Variants in SHF observed in about 807,000 individuals in gnomAD.
The protein encoded by SHF is SH2 domain-containing adapter protein F.
SHF carries 30 observed loss-of-function variants against 42.4 expected under a neutral mutation model. The observed-to-expected ratio is 0.71, with a 90% CI of 0.53 to 0.96. The LOEUF (loss-of-function observed/expected upper bound fraction) is 0.96, where lower values mean the gene tolerates loss of function less well. Among genes scored for constraint, SHF ranks in the 40% least tolerant of loss-of-function variants. SHF has a pLI of 0.00. For missense variants in SHF, 598 were observed against 634.0 expected, an observed-to-expected ratio of 0.94 and a Z score of 0.61; for synonymous variants, 264 against 269.9, an observed-to-expected ratio of 0.98 and a Z score of 0.21.
chr15:45,194,101 CAAAAAAAAAAA>C (rs56176160), intron 2 of SHF, among the ~76,000 whole-genome samples: 1 of 75,590 alleles, frequency 1.3e-5, no homozygotes, highest in African/African-American at 5.2e-5. Flanking sequence ...GAGTTTGTCT[CAAAAAAAAAAA>C]AAAAAAAAAA....
chr15:45,197,966 T>C (rs2141456274), intron 2 of SHF, among the ~76,000 whole-genome samples: 1 of 152,112 alleles, frequency 6.6e-6, no homozygotes, highest in Middle Eastern at 3.4e-3. Flanking sequence ...AAAGATATAG[T>C]GGAAACTGAA....
At chr15:45,186,266 C>A (rs1475985782) in intron 1 of SHF, among the ~76,000 whole-genome samples, 1 of 152,256 alleles carries the variant, frequency 6.6e-6, no homozygotes, top group African/African-American at 2.4e-5. Context: ...AAATAATTTG[C>A]ATTCCTGAGG....
In SHF at chr15:45,167,764, C is replaced by T. The variant is rs958427671; in HGVS notation, c.*183G>A. On this transcript the variant is annotated 3_prime_UTR_variant, in exon 7 of 7. Coordinates refer to ENST00000690270, the MANE Select transcript of SHF (RefSeq NM_001394037.1). Reference sequence around the variant, plus strand: ...TTCCTCTTTCCCCAGCTCCAGACAACCCCTTACTCCAAGGCCCCAGGAGCC... The same window carrying T: ...TTCCTCTTTCCCCAGCTCCAGACAATCCCTTACTCCAAGGCCCCAGGAGCC... 1.2e-5 allele frequency: 6 copies of T among 480,612 alleles called. No individual in the cohort carries two copies. The highest frequency in any genetic ancestry group is 4.0e-5 in the African/African-American group (2 of 50,296). The allele number at this position is 480,612 out of a possible 1,614,324, so 29.8% of individuals were successfully genotyped here. A position where few individuals can be genotyped will look rare whatever the true frequency, so the allele number is the denominator to read the frequency against.
intron 4 of SHF, among the ~76,000 whole-genome samples, chr15:45,172,596 G>A (rs752597563): frequency 6.6e-6 from 1 of 152,190 alleles, no homozygotes; most frequent in Non-Finnish European, 1.5e-5. Context: ...GAGAAACCAT[G>A]CACGCTTCTC....
intron 1 of SHF, among the ~76,000 whole-genome samples, chr15:45,186,920 A>G (rs1595637327): frequency 1.3e-5 from 2 of 152,298 alleles, no homozygotes; most frequent in South Asian, 4.1e-4. Flanking sequence ...ACCCGTCTTC[A>G]CCTCCTTTCT....
chr15:45,176,466 C>T (rs1465237324), intron 2 of SHF, among the ~76,000 whole-genome samples: 4 of 151,678 alleles, frequency 2.6e-5, no homozygotes, highest in Admixed American at 6.6e-5. Context: ...CCCCACGGAC[C>T]CGGCAAAGAC....
At chr15:45,180,196 A>G (rs1188090613) in intron 1 of SHF, among the ~76,000 whole-genome samples, 1 of 152,172 alleles carries the variant, frequency 6.6e-6, no homozygotes, top group Non-Finnish European at 1.5e-5. Context: ...CACCTGGCAT[A>G]CAGTAGGCAC....
chr15:45,199,574 T>C (rs149487987), intron 1 of SHF, among the ~76,000 whole-genome samples: 178 of 152,272 alleles, frequency 1.2e-3, no homozygotes, highest in Non-Finnish European at 2.1e-3. Flanking sequence ...CGGCAGGAAC[T>C]TCGTCTGCCT....
chr15:45,170,578 G>C, intron 6 of SHF: 2 of 469,530 alleles, frequency 4.3e-6, no homozygotes, highest in Non-Finnish European at 6.9e-6. Flanking sequence ...CATAGCTAGT[G>C]TATCAAATCC....
Position 45,199,119 on chromosome 15 carries a change from C to G in SHF, c.-45G>C, listed in dbSNP as rs373900693. On this transcript the variant is annotated splice_region_variant and 5_prime_UTR_variant, in exon 2 of 8. Transcript: ENST00000290894. ...GCCGCCTCTGTGGAGATTGTGGACA[C>G]CCTAGAACCAGGTTCCACGTAGAAA... The G allele has an allele frequency of 2.0e-6, 3 of 1,483,156 alleles. No homozygotes were observed. In the East Asian group the frequency reaches 7.3e-5, roughly 36 times the overall value. 91.9% of individuals were successfully genotyped at this position (1,483,156 alleles called of 1,614,324 possible).
chr15:45,188,265 C>T (rs1341971877), upstream of SHF, among the ~76,000 whole-genome samples: 8 of 152,200 alleles, frequency 5.3e-5, no homozygotes, highest in Non-Finnish European at 1.5e-5. Context: ...CCATCCCCAT[C>T]TGTTCTTTTC....
upstream of SHF, among the ~76,000 whole-genome samples, chr15:45,188,594 C>G (rs980206087): frequency 6.6e-6 from 1 of 152,232 alleles, no homozygotes; most frequent in South Asian, 2.1e-4. Flanking sequence ...TAGAGACGCC[C>G]ACTTCTCCCG....
intron 6 of SHF, 97 bp downstream of exon 6, chr15:45,171,786 G>T (rs1447296329): frequency 3.7e-6 from 5 of 1,345,984 alleles, no homozygotes; most frequent in Non-Finnish European, 2.0e-6. Context: ...GTTCATGGGG[G>T]ATGGGGACCT....
At position 45,172,319 on chromosome 15, in the gene SHF, C is replaced by A; in HGVS notation, c.989-1G>T. On this transcript the variant is annotated splice_acceptor_variant, in intron 4 of 6. Coordinates refer to ENST00000690270, the MANE Select transcript of SHF (RefSeq NM_001394037.1). LOFTEE classifies it high-confidence loss of function. ...CTCTTCTCCGGTCCTTCAAACTGGG[C>A]TGTGGGGAACATATCAATCATGGAC... 6.3e-7 allele frequency: 1 copy of A among 1,591,866 alleles called. No homozygotes were observed. The highest frequency in any genetic ancestry group is 1.2e-5 in the South Asian group (1 of 86,866).
chr15:45,192,347 TCTGATTCCAGA>T (rs1419327960), upstream of SHF, among the ~76,000 whole-genome samples: 3 of 150,516 alleles, frequency 2.0e-5, no homozygotes, highest in Admixed American at 6.6e-5. Flanking sequence ...TTTTTTTTTT[TCTGATTCCAGA>T]TTTTTTTTTT....
intron 2 of SHF, among the ~76,000 whole-genome samples, chr15:45,196,193 G>A (rs943718955): frequency 6.6e-6 from 1 of 151,658 alleles, no homozygotes; most frequent in Non-Finnish European, 1.5e-5. Context: ...CGCCCCCCGG[G>A]TTCAAGCAAT....
chr15:45,190,110 C>G (rs1279021484), upstream of SHF, among the ~76,000 whole-genome samples: 1 of 152,156 alleles, frequency 6.6e-6, no homozygotes, highest in African/African-American at 2.4e-5. Flanking sequence ...CTAGGTCTAG[C>G]TGGGGTGGGG....
chr15:45,180,457 A>G (rs1169423721), intron 1 of SHF, among the ~76,000 whole-genome samples: 1 of 152,132 alleles, frequency 6.6e-6, no homozygotes, highest in Non-Finnish European at 1.5e-5. Flanking sequence ...ACAGTGTCTG[A>G]CTCAACCAAC....
At chr15:45,168,712 C>T (rs1022534744) in intron 6 of SHF, among the ~76,000 whole-genome samples, 4 of 152,174 alleles carry the variant, frequency 2.6e-5, no homozygotes, top group African/African-American at 9.7e-5. Context: ...CTGGGGATAT[C>T]CCTTCACTCT....
Sources: gnomAD v4.1 joint callset for allele counts (sites outside exome capture counted in the v4.1 genomes callset) on GRCh38, gnomAD v4.1.1 for gene constraint, MANE v1.5 for transcripts, NCBI Gene and HGNC (gene_info 2026-07-23, HGNC 2026-07-21) for gene names.